The following EDIL3 variants were observed in gnomAD, a reference collection of about 807,000 sequenced individuals.
The protein encoded by EDIL3 is EGF like and discoidin domains 3, also known as EGF-like repeat and discoidin I-like domain-containing protein 3.
A neutral mutation model predicts 67.4 loss-of-function variants in EDIL3; 37 were observed. That is an observed-to-expected ratio of 0.55 (90% CI 0.42 to 0.72). The LOEUF is 0.72. Ranked by LOEUF, EDIL3 falls within the 30% of genes least tolerant of loss-of-function variation. EDIL3 has a pLI of 0.00. For synonymous variants in EDIL3, 195 were observed against 196.3 expected (o/e 0.99, Z 0.05); for missense variants, 527 against 586.3 (o/e 0.90, Z 1.04).
chr5:84,098,987 GCTCT>G, intron 6 of EDIL3, among the ~76,000 whole-genome samples: 1 of 151,878 alleles, frequency 6.6e-6, no homozygotes, highest in Non-Finnish European at 1.5e-5. Flanking sequence ...TCATGATTTG[GCTCT>G]CTGTTTGTCT....
chr5:84,165,167 A>G (rs1343474688), intron 4 of EDIL3, among the ~76,000 whole-genome samples: 1 of 152,146 alleles, frequency 6.6e-6, no homozygotes, highest in African/African-American at 2.4e-5. Context: ...TTGCTATTAA[A>G]ATGTAAATAA....
At chr5:84,232,218 C>A (rs1028308824) in intron 2 of EDIL3, among the ~76,000 whole-genome samples, 1 of 152,100 alleles carries the variant, frequency 6.6e-6, no homozygotes, top group African/African-American at 2.4e-5. Flanking sequence ...ATAATGTTAG[C>A]TGGACTTAAG....
rs151261093 is a variant in EDIL3 at position 83,943,527 on chromosome 5, A to G, written c.1335T>C (p.Asn445=). 2 of 1,612,274 alleles carry G rather than the reference A, an allele frequency of 1.2e-6. No individual in the cohort carries two copies. Among genetic ancestry groups the G allele is most frequent in the African/African-American group, 2.7e-5 (2 of 74,752 alleles). Residue 445 remains asparagine (N), a synonymous_variant, in exon 11 of 11, where the codon AAT becomes AAC. Coordinates refer to ENST00000296591, the MANE Select transcript of EDIL3 (RefSeq NM_005711.5). ...GNFDNDTHRK[N]VIDPPIYARH... ...GTGCATAGATGGGAGGGTCGATGAC[A>G]TTTTTTCTGTGAGTGTCATTGTCAA...
chr5:84,180,855 C>T (rs1749001817), intron 3 of EDIL3, among the ~76,000 whole-genome samples: 1 of 152,110 alleles, frequency 6.6e-6, no homozygotes. Flanking sequence ...GTGTCTGTCA[C>T]ATGTAAAGTA....
At chr5:84,321,018 T>G (rs1746635295) in intron 1 of EDIL3, among the ~76,000 whole-genome samples, 2 of 152,192 alleles carry the variant, frequency 1.3e-5, no homozygotes, top group African/African-American at 4.8e-5. Flanking sequence ...TTTAGATATG[T>G]TTTTTCTTTT....
At chr5:84,137,208 C>T in intron 5 of EDIL3, 33 bp downstream of exon 5, 3 of 1,502,078 alleles carry the variant, frequency 2.0e-6, no homozygotes, top group Non-Finnish European at 9.2e-7. Context: ...CACACACACA[C>T]ACACACACAC....
intron 6 of EDIL3, among the ~76,000 whole-genome samples, chr5:84,067,506 G>T (rs913963596): frequency 4.6e-5 from 7 of 151,992 alleles, no homozygotes; most frequent in African/African-American, 1.5e-4. Flanking sequence ...TTGATAAATT[G>T]CTATAAATCA....
At chr5:84,381,086 G>A (rs935424931) in intron 1 of EDIL3, among the ~76,000 whole-genome samples, 4 of 151,956 alleles carry the variant, frequency 2.6e-5, no homozygotes, top group Non-Finnish European at 5.9e-5. Context: ...GCAACTTCAA[G>A]ATCAAAGAAG....
rs1746524083 is a variant in EDIL3, at chr5:84,060,564, G to C, written c.953-80C>G. 2.7e-6 allele frequency: 4 copies of C among 1,474,834 alleles called. No individual in the cohort carries two copies. In the South Asian group the frequency reaches 4.9e-5, roughly 18 times the overall value. The allele number at this position is 1,474,834 out of a possible 1,614,324, so 91.4% of individuals were successfully genotyped here. ...TTCTGCATTCATTTTGGATAGGCAAGAGAAGATTAAACATAATGCTATTCA... is the reference window on the plus strand; with the variant it reads ...TTCTGCATTCATTTTGGATAGGCAACAGAAGATTAAACATAATGCTATTCA... On this transcript the variant is annotated intron_variant, in intron 8 of 10. Transcript: ENST00000296591.
chr5:84,179,005 A>G (rs1748969768), intron 4 of EDIL3, among the ~76,000 whole-genome samples: 1 of 152,220 alleles, frequency 6.6e-6, no homozygotes, highest in African/African-American at 2.4e-5. Flanking sequence ...TGAACAGAGT[A>G]TGAAGCTATA....
intron 6 of EDIL3, among the ~76,000 whole-genome samples, chr5:84,080,989 T>C (rs989762896): frequency 2.0e-5 from 3 of 152,236 alleles, no homozygotes; most frequent in Admixed American, 6.5e-5. Flanking sequence ...TGAATAACCA[T>C]GGGAAAAGAA....
chr5:84,312,574 A>G (rs866373439), intron 1 of EDIL3, among the ~76,000 whole-genome samples: 5 of 95,332 alleles, frequency 5.2e-5, no homozygotes, highest in African/African-American at 8.6e-5. Flanking sequence ...CTCCCCCACC[A>G]CCCTCCCGGA....
chr5:84,123,415 A>G (rs1747812942), intron 5 of EDIL3, among the ~76,000 whole-genome samples: 1 of 152,026 alleles, frequency 6.6e-6, no homozygotes, highest in Non-Finnish European at 1.5e-5. Flanking sequence ...GCAAATACCA[A>G]TTAAACATTC....
At chr5:84,048,887 A>T (rs922439932) in intron 9 of EDIL3, among the ~76,000 whole-genome samples, 1 of 152,130 alleles carries the variant, frequency 6.6e-6, no homozygotes, top group Admixed American at 6.5e-5. Context: ...TTTCTTCACA[A>T]TTAATAGCAT....
chr5:84,360,879 T>G (rs1747583821), intron 1 of EDIL3, among the ~76,000 whole-genome samples: 1 of 152,140 alleles, frequency 6.6e-6, no homozygotes, highest in Non-Finnish European at 1.5e-5. Context: ...AGTGTTTAAT[T>G]ATCTTACAAA....
At chr5:84,129,687 G>A (rs550596662) in intron 5 of EDIL3, among the ~76,000 whole-genome samples, 186 of 152,066 alleles carry the variant, frequency 1.2e-3, no homozygotes, top group Non-Finnish European at 2.0e-3. Context: ...AATAAAATAG[G>A]ATTAAAATTA....
At chr5:84,040,939 C>G (rs1040624746) in intron 9 of EDIL3, among the ~76,000 whole-genome samples, 1 of 152,086 alleles carries the variant, frequency 6.6e-6, no homozygotes, top group Admixed American at 6.6e-5. Flanking sequence ...CGAGACCAGC[C>G]TGGGCAACAT....
intron 1 of EDIL3, among the ~76,000 whole-genome samples, chr5:84,362,860 C>T (rs1455757103): frequency 6.6e-6 from 1 of 152,036 alleles, no homozygotes; most frequent in African/African-American, 2.4e-5. Context: ...AAATAAATAA[C>T]TTGCTTAGAA....
intron 5 of EDIL3, among the ~76,000 whole-genome samples, chr5:84,110,715 A>G (rs980230776): frequency 1.3e-5 from 2 of 152,222 alleles, no homozygotes; most frequent in African/African-American, 4.8e-5. Flanking sequence ...TTTAATGTGG[A>G]GAGTTCAGTA....
Sources: gnomAD v4.1 joint callset for allele counts (sites outside exome capture counted in the v4.1 genomes callset) on GRCh38, gnomAD v4.1.1 for gene constraint, MANE v1.5 for transcripts, NCBI Gene and HGNC (gene_info 2026-07-23, HGNC 2026-07-21) for gene names.